The following PRKAR1A variants were observed in gnomAD, a reference collection of about 807,000 sequenced individuals.
PRKAR1A encodes the protein protein kinase cAMP-dependent type I regulatory subunit alpha.
PRKAR1A carries 3 observed loss-of-function variants against 52.0 expected under a neutral mutation model. The observed-to-expected ratio is 0.06, with a 90% confidence interval of 0.03 to 0.15. The LOEUF (loss-of-function observed/expected upper bound fraction) is 0.15. Ranked by LOEUF, PRKAR1A falls within the 10% of genes least tolerant of loss-of-function variation. The pLI is 1.00. For missense variants in PRKAR1A, 240 were observed against 477.4 expected (o/e 0.50, Z 4.63); for synonymous variants, 188 against 168.4 (o/e 1.12, Z -0.90).
chr17:68,414,878 T>C, the PRKAR1A span, among the ~76,000 whole-genome samples: 1 of 152,224 alleles, frequency 6.6e-6, no homozygotes, highest in Admixed American at 6.5e-5. Flanking sequence ...TGTTGTAATA[T>C]CTCCTGTTTT....
At chr17:68,547,968 C>T (rs2086645517) in intron 11 of PRKAR1A, among the ~76,000 whole-genome samples, 1 of 152,208 alleles carries the variant, frequency 6.6e-6, no homozygotes, top group South Asian at 2.1e-4. Context: ...GACACTCCTC[C>T]TTTCATGTGA....
At position 68,530,473 on chromosome 17, in the gene PRKAR1A, T is replaced by G; in HGVS notation, c.*24T>G. On this transcript the variant is annotated 3_prime_UTR_variant, in exon 11 of 11. Coordinates refer to ENST00000589228, the MANE Select transcript of PRKAR1A (RefSeq NM_002734.5). ...GAAATCTGCCTCCTGTGCCTCCCTT[T>G]TCTCCTCTCCCCAATCCATGCTTCA... The G allele has an allele frequency of 6.2e-7, 1 of 1,613,996 alleles. No individual in the cohort carries two copies. The highest frequency in any genetic ancestry group is 8.5e-7 in the Non-Finnish European group (1 of 1,179,896).
At chr17:68,463,666 A>T in the PRKAR1A span, among the ~76,000 whole-genome samples, 1 of 152,172 alleles carries the variant, frequency 6.6e-6, no homozygotes, top group Non-Finnish European at 1.5e-5. Flanking sequence ...GGCCCCACTG[A>T]AAATTTCCAT....
the PRKAR1A span, among the ~76,000 whole-genome samples, chr17:68,496,364 C>A: frequency 6.6e-6 from 1 of 151,930 alleles, no homozygotes; most frequent in South Asian, 2.1e-4. Flanking sequence ...TCAAAGCCAG[C>A]AATGGCCAGA....
At chr17:68,540,918 T>A (rs541578930) in intron 11 of PRKAR1A, 1 of 1,602,516 alleles carries the variant, frequency 6.2e-7, no homozygotes, top group Non-Finnish European at 8.5e-7. Flanking sequence ...TACGGGTAGA[T>A]CTGTTTCACT....
At chr17:68,542,161 G>C in intron 11 of PRKAR1A, 1 of 1,613,894 alleles carries the variant, frequency 6.2e-7, no homozygotes, top group Non-Finnish European at 8.5e-7. Flanking sequence ...AGCACACGTT[G>C]CTCGCTGGAG....
the PRKAR1A span, among the ~76,000 whole-genome samples, chr17:68,415,145 T>C: frequency 6.6e-6 from 1 of 152,112 alleles, no homozygotes. Flanking sequence ...TCAGTCTTTT[T>C]GATGTAGGCA....
the PRKAR1A span, among the ~76,000 whole-genome samples, chr17:68,449,924 T>C: frequency 6.6e-6 from 1 of 152,074 alleles, no homozygotes; most frequent in Admixed American, 6.6e-5. Context: ...GGTGGGAGGA[T>C]TGTTTGAGCC....
the PRKAR1A span, among the ~76,000 whole-genome samples, chr17:68,484,714 G>A: frequency 6.6e-6 from 1 of 152,098 alleles, no homozygotes; most frequent in African/African-American, 2.4e-5. Context: ...GCTCCATTTG[G>A]GTCAGTTTTG....
chr17:68,537,351 G>C, downstream of PRKAR1A: 1 of 1,226,510 alleles, frequency 8.2e-7, no homozygotes, highest in Non-Finnish European at 1.2e-6. This position sits in a 1 kb window ranked among gnomAD's most constrained non-coding sequence, Gnocchi z 4.2. Context: ...TTGAGAAAAT[G>C]TCCTGCTTCC....
chr17:68,486,531 T>C, the PRKAR1A span, among the ~76,000 whole-genome samples: 195 of 129,650 alleles, frequency 1.5e-3, no homozygotes, highest in Admixed American at 1.7e-3. Flanking sequence ...CTTTCTTTCT[T>C]TCTTTCTTTC....
the PRKAR1A span, chr17:68,444,467 A>G: frequency 3.8e-6 from 6 of 1,593,896 alleles, no homozygotes; most frequent in Non-Finnish European, 2.6e-6. Context: ...AATTTCAGGG[A>G]CATTTGTTCC....
chr17:68,543,327 TG>T (rs1393216484), intron 11 of PRKAR1A, among the ~76,000 whole-genome samples: 1 of 151,976 alleles, frequency 6.6e-6, no homozygotes, highest in African/African-American at 2.4e-5. Flanking sequence ...TAAATAGGAG[TG>T]GGTGCATTCT....
the PRKAR1A span, chr17:68,433,320 G>T: frequency 1.4e-6 from 1 of 735,526 alleles, no homozygotes; most frequent in South Asian, 2.0e-5. Flanking sequence ...CCAAAGTTTT[G>T]CTAACACACA....
chr17:68,521,284 C>T (rs2085598753), intron 2 of PRKAR1A, among the ~76,000 whole-genome samples: 1 of 152,166 alleles, frequency 6.6e-6, no homozygotes, highest in African/African-American at 2.4e-5. Flanking sequence ...GGCCTGAGTG[C>T]AGTGGTGCGA....
the PRKAR1A span, among the ~76,000 whole-genome samples, chr17:68,447,704 G>C: frequency 1.3e-5 from 2 of 152,120 alleles, no homozygotes; most frequent in Admixed American, 6.5e-5. Context: ...AGAAAAAAGG[G>C]ATTTGGGGCC....
At chr17:68,486,019 G>A in the PRKAR1A span, among the ~76,000 whole-genome samples, 8 of 152,142 alleles carry the variant, frequency 5.3e-5, no homozygotes, top group Non-Finnish European at 7.3e-5. Flanking sequence ...GATTACAGGC[G>A]TGAGCCATCG....
At chr17:68,540,816 A>G in intron 11 of PRKAR1A, 4 of 1,569,230 alleles carry the variant, frequency 2.5e-6, no homozygotes, top group Non-Finnish European at 3.5e-6. Context: ...AGCAGAGCCC[A>G]CTTCTGCTGG....
At position 68,532,118 on chromosome 17, in the gene PRKAR1A, G is replaced by C; in HGVS notation, c.*1669G>C. On this transcript the variant is annotated 3_prime_UTR_variant, in exon 11 of 11. Coordinates refer to ENST00000589228, the MANE Select transcript of PRKAR1A (RefSeq NM_002734.5). ...TTAGGGTGGGTAAGAAAGCCACCTT[G>C]TTACAAATTTTTTAATTTCCAAAAT... The C allele has an allele frequency of 1.9e-6, 2 of 1,063,890 alleles. No individual in the cohort carries two copies. The highest frequency in any genetic ancestry group is 2.3e-6 in the Non-Finnish European group (2 of 877,836). The allele number at this position is 1,063,890 out of a possible 1,614,324, so 65.9% of individuals were successfully genotyped here.
Sources: allele counts gnomAD v4.1 joint callset (sites outside exome capture counted in the v4.1 genomes callset), GRCh38; gene constraint gnomAD v4.1.1; non-coding constraint Gnocchi (gnomAD v3.1); transcripts MANE v1.5; gene names NCBI Gene and HGNC (gene_info 2026-07-23, HGNC 2026-07-21).